The following ASTN2 variants were observed in gnomAD, a reference collection of about 807,000 sequenced individuals.
ASTN2 encodes astrotactin 2, also known as astrotactin-2.
ASTN2 carries 54 observed loss-of-function variants against 139.8 expected under a neutral mutation model. That is an observed-to-expected ratio of 0.39 (90% CI 0.31 to 0.48). The LOEUF (loss-of-function observed/expected upper bound fraction) is 0.48, where lower values mean the gene tolerates loss of function less well. ASTN2 is among the 20% of genes least tolerant of loss of function. The pLI, the probability that ASTN2 is intolerant of heterozygous loss-of-function variation, is 0.95. For missense variants in ASTN2, 1,565 were observed against 1,725.1 expected, an observed-to-expected ratio of 0.91 and a Z score of 1.64; for synonymous variants, 756 against 719.5, an observed-to-expected ratio of 1.05 and a Z score of -0.81.
intron 4 of ASTN2, among the ~76,000 whole-genome samples, chr9:117,123,110 G>T (rs1180428776): frequency 6.6e-6 from 1 of 152,036 alleles, no homozygotes; most frequent in African/African-American, 2.4e-5. Context: ...CACCTGTAAG[G>T]CCGTTAAAAC....
At position 116,440,592 on chromosome 9, in the gene ASTN2, CACAA is replaced by C. The variant is rs1320605166; in HGVS notation, c.3782+13_3782+16del. 9 of 1,610,924 alleles carry C rather than the reference CACAA, an allele frequency of 5.6e-6. No homozygotes were observed. The highest frequency in any genetic ancestry group is 6.8e-6 in the Non-Finnish European group (8 of 1,178,918). On this transcript the variant is annotated intron_variant, in intron 22 of 22. Coordinates refer to ENST00000313400, the MANE Select transcript of ASTN2 (RefSeq NM_001365068.1). ...CAAAAAGAATATGCCCCTCCAATCACACAAATACGCCCATACCTGGGCCCCAGCT... is the reference window on the plus strand; with the variant it reads ...CAAAAAGAATATGCCCCTCCAATCACATACGCCCATACCTGGGCCCCAGCT...
chr9:116,509,886 G>T (rs534574369), intron 19 of ASTN2, among the ~76,000 whole-genome samples: 4 of 152,114 alleles, frequency 2.6e-5, no homozygotes, highest in South Asian at 2.1e-4. Flanking sequence ...GTTTGAGTTC[G>T]TTGTAGATTC....
chr9:117,039,697 T>C, intron 6 of ASTN2, 122 bp downstream of exon 6: 1 of 1,091,502 alleles, frequency 9.2e-7, no homozygotes, highest in Non-Finnish European at 1.2e-6. Flanking sequence ...GATGCTCCTT[T>C]TTTTCCTCCT....
chr9:117,123,864 T>C (rs962892756), intron 4 of ASTN2, among the ~76,000 whole-genome samples: 1 of 152,188 alleles, frequency 6.6e-6, no homozygotes, highest in South Asian at 2.1e-4. Flanking sequence ...TCTTACTCAC[T>C]GTATCAAATG....
chr9:117,219,806 C>G (rs984312517), intron 2 of ASTN2, among the ~76,000 whole-genome samples: 7 of 152,148 alleles, frequency 4.6e-5, no homozygotes, highest in African/African-American at 1.7e-4. Flanking sequence ...CAGGATCAGC[C>G]TGCTTCTCTT....
chr9:116,638,050 G>A (rs564644542), intron 17 of ASTN2, among the ~76,000 whole-genome samples: 1 of 152,196 alleles, frequency 6.6e-6, no homozygotes, highest in African/African-American at 2.4e-5. Context: ...AGCTCTTGCA[G>A]GATATAGGAG....
rs76742332 is a variant in ASTN2, at chr9:117,074,277, G to A, written c.1276+21767C>T. Among the ~76,000 whole-genome samples the A allele has an allele frequency of 8.8e-3, 1,342 of 152,246 alleles. 10 individuals carry two copies. The highest frequency in any genetic ancestry group is 0.038 in the East Asian group (198 of 5,170). On this transcript the variant is annotated intron_variant, in intron 5 of 22. Coordinates refer to ENST00000313400, the MANE Select transcript of ASTN2 (RefSeq NM_001365068.1). The stretch of plus-strand genomic sequence containing the variant: ...GAGGAGGAGGAGGAGGAATAGAGAC[G>A]TGCAAGACTAACCACAATTTTAAGA...
intron 13 of ASTN2, among the ~76,000 whole-genome samples, chr9:116,754,324 C>A (rs548637824): frequency 1.3e-5 from 2 of 151,874 alleles, no homozygotes; most frequent in African/African-American, 2.4e-5. Flanking sequence ...GGGTATATAC[C>A]CAGTAATGGG....
intron 10 of ASTN2, among the ~76,000 whole-genome samples, chr9:116,966,097 G>T (rs1428050504): frequency 6.6e-6 from 1 of 152,110 alleles, no homozygotes; most frequent in Non-Finnish European, 1.5e-5. Context: ...ACTTTCATGT[G>T]TCTCTCTCTT....
intron 6 of ASTN2, among the ~76,000 whole-genome samples, chr9:117,021,967 C>T (rs189419440): frequency 1.9e-4 from 29 of 152,204 alleles, no homozygotes; most frequent in African/African-American, 4.8e-4. Context: ...AATACAGTTT[C>T]GCAAAAACAA....
intron 3 of ASTN2, among the ~76,000 whole-genome samples, chr9:117,211,480 G>GCTCT (rs370974694): frequency 2.0e-5 from 3 of 151,818 alleles, no homozygotes; most frequent in Non-Finnish European, 2.9e-5. Context: ...TTCTCCCATT[G>GCTCT]CTCTCTCTCT....
At chr9:117,269,163 G>T (rs1834003787) in intron 2 of ASTN2, among the ~76,000 whole-genome samples, 1 of 152,178 alleles carries the variant, frequency 6.6e-6, no homozygotes, top group African/African-American at 2.4e-5. Context: ...TCATTATGGA[G>T]GCCAAATTAA....
intron 16 of ASTN2, among the ~76,000 whole-genome samples, chr9:116,692,573 G>A (rs1214359776): frequency 6.6e-6 from 1 of 152,070 alleles, no homozygotes; most frequent in South Asian, 2.1e-4. Flanking sequence ...TTAATAACTT[G>A]CTCACGTCTC....
intron 2 of ASTN2, among the ~76,000 whole-genome samples, chr9:117,219,675 T>C (rs1025465156): frequency 8.3e-4 from 126 of 152,256 alleles, no homozygotes; most frequent in African/African-American, 2.9e-3. Context: ...GGGTGATTTG[T>C]TTTTACCATC....
At chr9:116,794,871 A>G (rs1830650562) in intron 13 of ASTN2, among the ~76,000 whole-genome samples, 1 of 152,262 alleles carries the variant, frequency 6.6e-6, no homozygotes. Context: ...TGTGCAGTCC[A>G]GCAAGGCTTG....
At chr9:117,003,720 TAGA>T (rs1380589858) in intron 7 of ASTN2, among the ~76,000 whole-genome samples, 1 of 151,572 alleles carries the variant, frequency 6.6e-6, no homozygotes, top group South Asian at 2.1e-4. Context: ...GCTGGGGAGC[TAGA>T]AGGTCAGACC....
chr9:117,390,666 G>A (rs545131602), intron 1 of ASTN2, among the ~76,000 whole-genome samples: 1 of 152,052 alleles, frequency 6.6e-6, no homozygotes, highest in Admixed American at 6.6e-5. Flanking sequence ...TCTTTTTGCT[G>A]CTTGATATTA....
intron 7 of ASTN2, 132 bp downstream of exon 7, chr9:117,007,960 A>G: frequency 2.0e-6 from 2 of 995,346 alleles, no homozygotes; most frequent in Non-Finnish European, 1.4e-6. Flanking sequence ...TGTTTATTAG[A>G]TTGATGGGCC....
chr9:116,867,082 G>T (rs1180302224), intron 10 of ASTN2, among the ~76,000 whole-genome samples: 3 of 151,966 alleles, frequency 2.0e-5, no homozygotes, highest in Non-Finnish European at 4.4e-5. Flanking sequence ...GTTATAGAGG[G>T]ACACAGGTCA....
Sources: gnomAD v4.1 joint callset for allele counts (sites outside exome capture counted in the v4.1 genomes callset) on GRCh38, gnomAD v4.1.1 for gene constraint, MANE v1.5 for transcripts, NCBI Gene and HGNC (gene_info 2026-07-23, HGNC 2026-07-21) for gene names.